Variants in PGLS observed in about 807,000 individuals in gnomAD.
The protein encoded by PGLS is 6-phosphogluconolactonase, also known as epididymis secretory protein Li 304.
Under a neutral mutation model 23.2 loss-of-function variants are expected in PGLS, and 21 were observed. The observed-to-expected ratio is 0.91, with a 90% CI of 0.64 to 1.31. The LOEUF (loss-of-function observed/expected upper bound fraction) is 1.31. Ranked by LOEUF, PGLS falls within the 50% of genes most tolerant of loss-of-function variation. The probability of loss-of-function intolerance (pLI) is 0.00; values close to 1 mark genes in which losing one functional copy is unlikely to be tolerated. For synonymous variants in PGLS, 179 were observed against 165.4 expected (o/e 1.08, Z -0.63); for missense variants, 410 against 354.0 (o/e 1.16, Z -1.27).
chr19:17,513,631 C>G (rs2075519954), intron 1 of PGLS, among the ~76,000 whole-genome samples: 1 of 151,964 alleles, frequency 6.6e-6, no homozygotes, highest in Admixed American at 6.6e-5. Flanking sequence ...CCAGCCTAGC[C>G]AACATGGCAA....
chr19:17,512,011 C>T (rs750004563), intron 1 of PGLS, 51 bp downstream of exon 1: 6 of 1,480,968 alleles, frequency 4.1e-6, no homozygotes, highest in South Asian at 1.3e-5. Flanking sequence ...CCACAGCCAC[C>T]GCCTACACCC....
At chr19:17,513,963 GC>G (rs1188678690) in intron 1 of PGLS, among the ~76,000 whole-genome samples, 1 of 152,226 alleles carries the variant, frequency 6.6e-6, no homozygotes, top group African/African-American at 2.4e-5. Context: ...TCAAGCTGTG[GC>G]AAGAGGGCTC....
intron 4 of PGLS, among the ~76,000 whole-genome samples, chr19:17,519,642 C>T (rs367673234): frequency 6.6e-6 from 1 of 152,112 alleles, no homozygotes; most frequent in Non-Finnish European, 1.5e-5. Flanking sequence ...TCAAGTGATC[C>T]GCCCCCCTCG....
chr19:17,511,918 C>G lies in PGLS; in HGVS notation c.246C>G (p.Leu82=). 5 of 1,547,190 alleles carry G rather than the reference C, an allele frequency of 3.2e-6. No homozygotes were observed. The highest frequency in any genetic ancestry group is 1.4e-5 in the African/African-American group (1 of 71,770). ...CGCTGGGCTTCTGCGACGAGCGCCT[C>G]GTGCCCTTCGATCACGCCGAGAGCA... ...RWTLGFCDER[L]VPFDHAESTY... Residue 82 remains leucine, a synonymous_variant, in exon 1 of 5, where the codon CTC becomes CTG. Transcript: ENST00000252603.
intron 4 of PGLS, chr19:17,518,761 C>T (rs2075544835): frequency 6.6e-6 from 1 of 152,004 alleles, no homozygotes; most frequent in South Asian, 2.1e-4. Context: ...AAACTGCTGA[C>T]CTCATGTGAT....
At chr19:17,516,396 A>G (rs2075532751) in intron 2 of PGLS, 116 bp downstream of exon 2, 1 of 1,472,306 alleles carries the variant, frequency 6.8e-7, no homozygotes, top group Non-Finnish European at 9.0e-7. Flanking sequence ...TCACTGGCAG[A>G]TCCCTTTGAG....
chr19:17,512,052 A>G, intron 1 of PGLS, 92 bp downstream of exon 1: 1 of 1,332,064 alleles, frequency 7.5e-7, no homozygotes, highest in Non-Finnish European at 1.0e-6. Context: ...GGCCATGCCG[A>G]AAGGGCCGCG....
chr19:17,517,492 A>G lies in PGLS; in HGVS notation c.498+103A>G, dbSNP rs2075538765. ...CCTGCCGGGTGGGGTGTCTAGAGCC[A>G]GGGTTCAAGTCAGCCTCCACCAACA... On this transcript the variant is annotated intron_variant, in intron 3 of 4. Coordinates refer to ENST00000252603, the MANE Select transcript of PGLS (RefSeq NM_012088.3). 3 of 1,026,206 alleles carry G rather than the reference A, an allele frequency of 2.9e-6. No individual in the cohort carries two copies. The African/African-American group carries it at 4.8e-5, about 16-fold the overall frequency. The allele number at this position is 1,026,206 out of a possible 1,614,324, so 63.6% of individuals were successfully genotyped here. A position where few individuals can be genotyped will look rare whatever the true frequency, so the allele number is the denominator to read the frequency against.
chr19:17,520,945 G>A lies in PGLS; in HGVS notation c.641G>A (p.Arg214His), dbSNP rs1185073540. ...TTACTCTTCTGCCCTCTTCTTCAGC[G>A]CATTTTGGAGGACCAGGAGGAAAAC... is the stretch of plus-strand genomic sequence containing the variant. ...TGEGKAAVLK[R>H]ILEDQEENPL... The change falls in exon 5 of 5, where the codon CGC (arginine) becomes CAC (histidine). Residue 214 changes from arginine (R) to histidine (H), a missense_variant and splice_region_variant. Transcript: ENST00000252603. The A allele has an allele frequency of 8.2e-6, 13 of 1,591,970 alleles. No individual in the cohort carries two copies. Among genetic ancestry groups the A allele is most frequent in the Non-Finnish European group, 1.1e-5 (13 of 1,168,688 alleles).
intron 1 of PGLS, among the ~76,000 whole-genome samples, chr19:17,514,646 C>A (rs2073392990): frequency 6.6e-6 from 1 of 151,976 alleles, no homozygotes; most frequent in Admixed American, 6.6e-5. Context: ...TGTGCACCAC[C>A]AGGCCCAGCT....
chr19:17,512,787 A>G (rs529540470), intron 1 of PGLS: 3 of 152,174 alleles, frequency 2.0e-5, no homozygotes, highest in African/African-American at 7.2e-5. Context: ...GTCAAGGGAC[A>G]CCCCATGCTG....
rs746684418 is a variant in PGLS at position 17,511,692 on chromosome 19, G to T, written c.20G>T (p.Gly7Val). MAAPAP[G>V]LISVFSSSQE... The stretch of plus-strand genomic sequence containing the variant: ...CTCGCCATGGCCGCGCCGGCCCCGG[G>T]CCTCATCTCGGTGTTCTCGAGTTCC... The change falls in exon 1 of 5, where the codon GGC becomes GTC. Residue 7 changes from glycine to valine, a missense_variant. Gly to Val is a moderately radical substitution (Grantham distance 109, BLOSUM62 -3). Transcript: ENST00000252603. The T allele has an allele frequency of 6.6e-7, 1 of 1,505,734 alleles. No homozygotes were observed. The highest frequency in any genetic ancestry group is 8.8e-7 in the Non-Finnish European group (1 of 1,134,364). The allele number at this position is 1,505,734 out of a possible 1,614,324, so 93.3% of individuals were successfully genotyped here.
chr19:17,517,473 G>A (rs768724537), intron 3 of PGLS, 84 bp downstream of exon 3: 154 of 1,138,452 alleles, frequency 1.4e-4, no homozygotes, highest in Middle Eastern at 6.1e-4. Flanking sequence ...GCCACCTGCC[G>A]GGTGGGGTGT....
intron 1 of PGLS, chr19:17,515,783 C>T (rs550834912): frequency 4.9e-6 from 1 of 203,182 alleles, no homozygotes; most frequent in African/African-American, 2.2e-5. Flanking sequence ...CAGGCTATGG[C>T]CAGGAAACCC....
chr19:17,517,659 AG>A, intron 3 of PGLS, 50 bp from the exon 4 acceptor site: 1 of 1,601,714 alleles, frequency 6.2e-7, no homozygotes, highest in Non-Finnish European at 8.5e-7. Flanking sequence ...GTGTCCAAGA[AG>A]CTGAAGTGAC....
intron 1 of PGLS, among the ~76,000 whole-genome samples, chr19:17,513,443 C>T (rs549892813): frequency 1.3e-5 from 2 of 150,346 alleles, no homozygotes; most frequent in Non-Finnish European, 1.5e-5. Flanking sequence ...AGGAGTGAGG[C>T]ATGATCAGTG....
At chr19:17,514,000 G>T (rs1465387477) in intron 1 of PGLS, among the ~76,000 whole-genome samples, 1 of 152,184 alleles carries the variant, frequency 6.6e-6, no homozygotes, top group African/African-American at 2.4e-5. Context: ...CGTGTGATGG[G>T]AGCAAACCTG....
chr19:17,511,870 G>A lies in PGLS; in HGVS notation c.198G>A (p.Gly66=), dbSNP rs1183824628. Reference sequence around the variant, plus strand: ...TACCCGCCGCCGTCGCCCCTGCCGGGCCAGCTAGCTTAGCGCGCTGGACGC... The same window carrying A: ...TACCCGCCGCCGTCGCCCCTGCCGGACCAGCTAGCTTAGCGCGCTGGACGC... The part of the protein sequence containing the change: ...RELPAAVAPA[G]PASLARWTLG... Residue 66 remains glycine, a synonymous_variant, in exon 1 of 5, where the codon GGG becomes GGA. Transcript: ENST00000252603. The A allele has an allele frequency of 4.6e-6, 7 of 1,536,330 alleles. No homozygotes were observed. Among genetic ancestry groups the A allele is most frequent in the Admixed American group, 2.0e-5 (1 of 50,614 alleles).
intron 4 of PGLS, 43 bp from the exon 5 acceptor site, chr19:17,520,901 C>T (rs1002295936): frequency 6.6e-7 from 1 of 1,520,152 alleles, no homozygotes; most frequent in Non-Finnish European, 8.9e-7. Flanking sequence ...GGGGCGGTGC[C>T]TGGGCCGCAG....
Sources: gnomAD v4.1 joint callset for allele counts (sites outside exome capture counted in the v4.1 genomes callset) on GRCh38, gnomAD v4.1.1 for gene constraint, MANE v1.5 for transcripts, NCBI Gene and HGNC (gene_info 2026-07-23, HGNC 2026-07-21) for gene names.